TTC23: variants seen among roughly 807,000 people sequenced by gnomAD.
TTC23 encodes tetratricopeptide repeat domain 23.
In TTC23, 58 loss-of-function variants were observed where a neutral mutation model predicts 55.1. The ratio of observed to expected loss-of-function variants is 1.05; its 90% CI spans 0.85 to 1.31. The LOEUF (loss-of-function observed/expected upper bound fraction) is 1.31, where lower values mean the gene tolerates loss of function less well. Ranked by LOEUF, TTC23 falls within the 50% of genes most tolerant of loss-of-function variation. The pLI, the probability that TTC23 is intolerant of heterozygous loss-of-function variation, is 0.00. For synonymous variants in TTC23, 203 were observed against 199.9 expected, an observed-to-expected ratio of 1.02 and a Z score of -0.13; for missense variants, 516 against 534.4, an observed-to-expected ratio of 0.97 and a Z score of 0.34.
intron 9 of TTC23, among the ~76,000 whole-genome samples, chr15:99,187,478 A>AAAAAAG (rs55638903): frequency 1.0e-4 from 15 of 149,422 alleles, no homozygotes; most frequent in African/African-American, 3.4e-4. Flanking sequence ...ACAAAACAAA[A>AAAAAAG]GAAACCCAAC....
At chr15:99,215,590 C>G (rs1164731014) in intron 8 of TTC23, among the ~76,000 whole-genome samples, 10 of 151,728 alleles carry the variant, frequency 6.6e-5, no homozygotes, top group Non-Finnish European at 1.5e-5. Context: ...ACAAAAAATA[C>G]AAAAAGTTAG....
intron 8 of TTC23, among the ~76,000 whole-genome samples, chr15:99,205,549 A>AG (rs1450548690): frequency 6.8e-6 from 1 of 147,102 alleles, no homozygotes; most frequent in African/African-American, 2.5e-5. Flanking sequence ...ATTTATTGCT[A>AG]GGTTTTTTTT....
intron 12 of TTC23, among the ~76,000 whole-genome samples, chr15:99,146,722 G>T (rs1441376559): frequency 3.3e-5 from 5 of 152,248 alleles, no homozygotes; most frequent in African/African-American, 4.8e-5. Context: ...GGCAGTCTGT[G>T]TACACTACAA....
chr15:99,157,391 T>A (rs2070757909), intron 11 of TTC23: 1 of 151,980 alleles, frequency 6.6e-6, no homozygotes, highest in Non-Finnish European at 1.5e-5. Flanking sequence ...TTTGTATTTT[T>A]AGTAGAGACA....
chr15:99,146,606 T>C (rs2068891080), intron 12 of TTC23, among the ~76,000 whole-genome samples: 1 of 152,252 alleles, frequency 6.6e-6, no homozygotes, highest in South Asian at 2.1e-4. Flanking sequence ...TCTCCAGACC[T>C]TGTGGGACAA....
At chr15:99,229,829 C>G (rs1421901712) in intron 4 of TTC23, among the ~76,000 whole-genome samples, 1 of 152,206 alleles carries the variant, frequency 6.6e-6, no homozygotes, top group Non-Finnish European at 1.5e-5. Flanking sequence ...ACTCAGAAGC[C>G]TTTCATCTCA....
intron 12 of TTC23, among the ~76,000 whole-genome samples, chr15:99,152,556 G>A (rs1179041711): frequency 1.3e-5 from 2 of 152,010 alleles, no homozygotes; most frequent in Non-Finnish European, 2.9e-5. Flanking sequence ...ATTTTTAGTA[G>A]AGACGGGGTT....
intron 12 of TTC23, chr15:99,141,074 T>C (rs1439809283): frequency 1.3e-5 from 2 of 152,176 alleles, no homozygotes; most frequent in East Asian, 3.8e-4. Context: ...CTGCAAAAAC[T>C]ACCAAGTTTT....
At chr15:99,212,892 G>A (rs1474060067) in intron 8 of TTC23, among the ~76,000 whole-genome samples, 1 of 151,458 alleles carries the variant, frequency 6.6e-6, no homozygotes, top group Non-Finnish European at 1.5e-5. Context: ...GGCTGAGAGG[G>A]GAGGACTGCT....
chr15:99,217,637 T>C lies in TTC23; in HGVS notation c.581+951A>G, dbSNP rs2077579264. On this transcript the variant is annotated intron_variant, in intron 8 of 13. Coordinates refer to ENST00000394132, the MANE Select transcript of TTC23 (RefSeq NM_001288615.3). ...ATTTAAAAATCCATACCAGAGGATT[T>C]GCACAGATGAGTGAGCTCTGCACTT... Among the ~76,000 whole-genome samples, 3 of 152,196 alleles carry C rather than the reference T, an allele frequency of 2.0e-5. No homozygotes were observed. In the South Asian group the frequency reaches 6.2e-4, roughly 32 times the overall value.
chr15:99,168,333 G>C (rs900081736), intron 10 of TTC23, among the ~76,000 whole-genome samples: 5 of 152,174 alleles, frequency 3.3e-5, no homozygotes, highest in Non-Finnish European at 5.9e-5. Context: ...TCGCCATTGG[G>C]ATCTGCCTGC....
At chr15:99,155,292 C>T (rs1462024779) in intron 12 of TTC23, 4 of 152,060 alleles carry the variant, frequency 2.6e-5, no homozygotes, top group African/African-American at 9.7e-5. Context: ...CTGAAAGATA[C>T]AAAAGTAGGA....
At chr15:99,159,539 G>A (rs2071071396) in intron 11 of TTC23, 1 of 152,372 alleles carries the variant, frequency 6.6e-6, no homozygotes, top group Non-Finnish European at 1.5e-5. Context: ...GGAGATGAAT[G>A]AGGAAGGGCC....
intron 10 of TTC23, among the ~76,000 whole-genome samples, chr15:99,172,551 T>TG (rs1211083172): frequency 6.6e-6 from 1 of 152,200 alleles, no homozygotes; most frequent in African/African-American, 2.4e-5. Context: ...AAAGAGCCTC[T>TG]GGGGTGGTTG....
At chr15:99,225,808 A>C (rs895543764) in intron 5 of TTC23, among the ~76,000 whole-genome samples, 1 of 152,228 alleles carries the variant, frequency 6.6e-6, no homozygotes, top group Non-Finnish European at 1.5e-5. Flanking sequence ...CAAAATACTT[A>C]TTAATTACAA....
At chr15:99,222,623 C>G (rs973085302) in intron 5 of TTC23, among the ~76,000 whole-genome samples, 2 of 152,160 alleles carry the variant, frequency 1.3e-5, no homozygotes, top group African/African-American at 4.8e-5. Flanking sequence ...AGGGATAGGA[C>G]AAAAAGAACA....
chr15:99,184,814 G>T (rs1034357413), intron 9 of TTC23, among the ~76,000 whole-genome samples: 1 of 152,176 alleles, frequency 6.6e-6, no homozygotes, highest in Non-Finnish European at 1.5e-5. Context: ...CAGGCAAAAT[G>T]ATATGGTTTG....
chr15:99,196,724 G>A (rs2075748695), intron 9 of TTC23, among the ~76,000 whole-genome samples: 2 of 152,066 alleles, frequency 1.3e-5, no homozygotes, highest in South Asian at 2.1e-4. Context: ...TTATCCCCCT[G>A]CTTATCTCAC....
In TTC23 at chr15:99,138,135, C is replaced by A; in HGVS notation, c.1227-8G>T. On this transcript the variant is annotated splice_polypyrimidine_tract_variant and splice_region_variant and intron_variant, in intron 13 of 13. Coordinates refer to ENST00000394132, the MANE Select transcript of TTC23 (RefSeq NM_001288615.3). ...GAAGCAACCTTGGGGGCCCTGCAGACAAGCAGAGGGTGGGGTGAGTGTGGT... is the reference window on the plus strand; with the variant it reads ...GAAGCAACCTTGGGGGCCCTGCAGAAAAGCAGAGGGTGGGGTGAGTGTGGT... The A allele has an allele frequency of 1.9e-6, 3 of 1,611,972 alleles. No homozygotes were observed. Among genetic ancestry groups the A allele is most frequent in the Non-Finnish European group, 2.5e-6 (3 of 1,179,836 alleles).
Sources: gnomAD v4.1 joint callset for allele counts (sites outside exome capture counted in the v4.1 genomes callset) on GRCh38, gnomAD v4.1.1 for gene constraint, MANE v1.5 for transcripts, NCBI Gene and HGNC (gene_info 2026-07-23, HGNC 2026-07-21) for gene names.